The following NEO1 variants were observed in gnomAD, a reference collection of about 807,000 sequenced individuals.
NEO1 encodes neogenin 1, also known as neogenin.
A neutral mutation model predicts 159.7 loss-of-function variants in NEO1; 63 were observed. The observed-to-expected ratio is 0.39, with a 90% confidence interval of 0.32 to 0.49. The LOEUF (loss-of-function observed/expected upper bound fraction) is 0.49. Ranked by LOEUF, NEO1 falls within the 20% of genes least tolerant of loss-of-function variation. NEO1 has a pLI of 0.85. For missense variants in NEO1, 1,615 were observed against 1,831.0 expected (o/e 0.88, Z 2.15); for synonymous variants, 633 against 662.0 (o/e 0.96, Z 0.67).
chr15:73,107,187 A>G (rs62016806), intron 1 of NEO1, among the ~76,000 whole-genome samples: 46,092 of 152,142 alleles, frequency 0.3, 8,513 homozygotes, highest in Admixed American at 0.44. Flanking sequence ...TAAACCCACA[A>G]AAGATTGAGA....
intron 9 of NEO1, among the ~76,000 whole-genome samples, chr15:73,245,741 AT>A (rs376932162): frequency 9.4e-4 from 137 of 145,012 alleles, no homozygotes; most frequent in Middle Eastern, 3.5e-3. Context: ...TGCCTAGCTA[AT>A]TTTTTTTTTT....
intron 18 of NEO1, 122 bp from the exon 19 acceptor site, chr15:73,272,333 G>A: frequency 1.6e-6 from 1 of 631,508 alleles, no homozygotes; most frequent in Non-Finnish European, 2.7e-6. Flanking sequence ...TTTCTTTGAA[G>A]CCAGAAGCTT....
At chr15:73,122,152 T>C (rs1158714956) in intron 2 of NEO1, among the ~76,000 whole-genome samples, 3 of 148,646 alleles carry the variant, frequency 2.0e-5, no homozygotes, top group Non-Finnish European at 3.0e-5. Context: ...ACAAAATGTG[T>C]ACATGTTTCA....
At chr15:73,291,211 C>A (rs1382891565) in intron 25 of NEO1, among the ~76,000 whole-genome samples, 1 of 152,148 alleles carries the variant, frequency 6.6e-6, no homozygotes. Context: ...AAGATGCTAG[C>A]ACTATACTCT....
chr15:73,247,253 CTTGGAAAATAT>C lies in NEO1; in HGVS notation c.1607-1804_1607-1794del, dbSNP rs564561393. ...GGAGGCATAAATGTTGGAACCAGCC[CTTGGAAAATAT>C]TTTACATATTTAGTTTCACAAACCA... On this transcript the variant is annotated intron_variant, in intron 9 of 28. Transcript: ENST00000261908. 1.3e-3 allele frequency among the ~76,000 whole-genome samples: 197 copies of C among 152,254 alleles called. 1 individual carries two copies. The highest frequency in any genetic ancestry group is 9.6e-4 in the East Asian group (5 of 5,182).
intron 5 of NEO1, among the ~76,000 whole-genome samples, chr15:73,174,295 C>T (rs2035154507): frequency 6.6e-6 from 1 of 152,150 alleles, no homozygotes; most frequent in Admixed American, 6.5e-5. Context: ...AAGGACATAG[C>T]TATGGGCCAA....
At chr15:73,087,789 G>T (rs980594177) in intron 1 of NEO1, among the ~76,000 whole-genome samples, 1 of 151,858 alleles carries the variant, frequency 6.6e-6, no homozygotes, top group Non-Finnish European at 1.5e-5. Context: ...GTATATTTTT[G>T]AATTGCATAT....
At chr15:73,134,085 CTT>C (rs2031462870) in intron 4 of NEO1, among the ~76,000 whole-genome samples, 1 of 152,028 alleles carries the variant, frequency 6.6e-6, no homozygotes, top group South Asian at 2.1e-4. Flanking sequence ...GTTTCTGAAA[CTT>C]AGTAGTAAAT....
At chr15:73,181,720 C>T (rs981006225) in intron 7 of NEO1, among the ~76,000 whole-genome samples, 2 of 152,238 alleles carry the variant, frequency 1.3e-5, no homozygotes, top group African/African-American at 4.8e-5. Context: ...TCCCCCATGA[C>T]CCAAACACCT....
chr15:73,251,665 C>T (rs748948485), intron 11 of NEO1, among the ~76,000 whole-genome samples: 8 of 152,124 alleles, frequency 5.3e-5, no homozygotes, highest in Non-Finnish European at 1.2e-4. Flanking sequence ...AATCTACACA[C>T]GAGCCAAATT....
intron 1 of NEO1, among the ~76,000 whole-genome samples, chr15:73,054,120 A>T (rs771296550): frequency 6.6e-6 from 1 of 152,242 alleles, no homozygotes; most frequent in Admixed American, 6.5e-5. Flanking sequence ...ATGGTTTAGA[A>T]CACATTTTGG....
chr15:73,146,188 C>T (rs902137475), intron 5 of NEO1, among the ~76,000 whole-genome samples: 2 of 152,118 alleles, frequency 1.3e-5, no homozygotes, highest in African/African-American at 4.8e-5. Context: ...ACATTTTCCC[C>T]CCAGTTTTTG....
In NEO1 at chr15:73,293,242, A is replaced by G. The variant is rs984953049; in HGVS notation, c.3743-148A>G. ...CAACGTAAAAATCAATGGCTAATTG[A>G]CCAGATCTAGCCAGCTGCCACCAAA... On this transcript the variant is annotated intron_variant, in intron 25 of 28. Transcript: ENST00000261908. The G allele has an allele frequency of 7.7e-6, 6 of 776,854 alleles. No individual in the cohort carries two copies. The Admixed American group carries it at 1.2e-4, about 16-fold the overall frequency. 48.1% of individuals were successfully genotyped at this position (776,854 alleles called of 1,614,324 possible).
At chr15:73,084,085 A>G (rs774444829) in intron 1 of NEO1, among the ~76,000 whole-genome samples, 4 of 152,130 alleles carry the variant, frequency 2.6e-5, no homozygotes, top group Non-Finnish European at 4.4e-5. Flanking sequence ...GCTAATTAAC[A>G]TATGTATTAC....
chr15:73,275,657 A>G (rs1447204214), intron 21 of NEO1, among the ~76,000 whole-genome samples: 1 of 152,166 alleles, frequency 6.6e-6, no homozygotes. Context: ...CCTGTCTCAA[A>G]AAAAAAGTAA....
intron 7 of NEO1, among the ~76,000 whole-genome samples, chr15:73,225,209 AG>A (rs1253139757): frequency 1.3e-5 from 2 of 152,076 alleles, no homozygotes; most frequent in African/African-American, 4.8e-5. Context: ...TGGAGGTGGC[AG>A]GGGGGTGAAA....
chr15:73,154,456 A>G (rs1196559017), intron 5 of NEO1, among the ~76,000 whole-genome samples: 1 of 152,186 alleles, frequency 6.6e-6, no homozygotes, highest in Non-Finnish European at 1.5e-5. Flanking sequence ...AATTCTAATT[A>G]TATTTTTGTG....
chr15:73,262,346 C>G (rs2040656978), intron 15 of NEO1, among the ~76,000 whole-genome samples: 2 of 152,108 alleles, frequency 1.3e-5, no homozygotes, highest in South Asian at 4.2e-4. Flanking sequence ...GGAGAAAATA[C>G]CCACCATTTA....
intron 1 of NEO1, among the ~76,000 whole-genome samples, chr15:73,075,018 C>G (rs1014023511): frequency 7.2e-5 from 11 of 152,118 alleles, no homozygotes; most frequent in Non-Finnish European, 1.6e-4. Flanking sequence ...AAGACTATTT[C>G]AAAATTACAG....
Sources: gnomAD v4.1 joint callset for allele counts (sites outside exome capture counted in the v4.1 genomes callset) on GRCh38, gnomAD v4.1.1 for gene constraint, MANE v1.5 for transcripts, NCBI Gene and HGNC (gene_info 2026-07-23, HGNC 2026-07-21) for gene names.